LIFR: variants seen among roughly 807,000 people sequenced by gnomAD.
LIFR encodes the protein LIF receptor subunit alpha.
A neutral mutation model predicts 122.2 loss-of-function variants in LIFR; 84 were observed. The ratio of observed to expected loss-of-function variants is 0.69; its 90% CI spans 0.58 to 0.82. The LOEUF (loss-of-function observed/expected upper bound fraction) is 0.82. LIFR is among the 40% of genes least tolerant of loss of function. The pLI is 0.00. For missense variants in LIFR, 1,294 were observed against 1,311.6 expected (o/e 0.99, Z 0.21); for synonymous variants, 422 against 434.7 (o/e 0.97, Z 0.36).
intron 11 of LIFR, among the ~76,000 whole-genome samples, chr5:38,501,760 C>A (rs1382563542): frequency 2.0e-5 from 3 of 151,638 alleles, no homozygotes; most frequent in Admixed American, 6.6e-5. Flanking sequence ...AAAAATTAAA[C>A]CTATTTCTGA....
At chr5:38,550,957 T>C (rs895472995) in intron 1 of LIFR, among the ~76,000 whole-genome samples, 3 of 152,180 alleles carry the variant, frequency 2.0e-5, no homozygotes, top group African/African-American at 7.2e-5. Flanking sequence ...AGTGCTTAAT[T>C]TTCTATTATT....
chr5:38,545,247 G>GT, intron 1 of LIFR, among the ~76,000 whole-genome samples: 1 of 151,518 alleles, frequency 6.6e-6, no homozygotes, highest in East Asian at 2.0e-4. Flanking sequence ...TCCAGCCTGG[G>GT]TGACAGACCA....
At chr5:38,567,469 A>G (rs76458645) in intron 1 of LIFR, among the ~76,000 whole-genome samples, 6,225 of 150,182 alleles carry the variant, frequency 0.041, 449 homozygotes, top group African/African-American at 0.14. Context: ...TTTGGTTTTT[A>G]TTTCATTGAA....
intron 1 of LIFR, among the ~76,000 whole-genome samples, chr5:38,580,197 G>A (rs1749535933): frequency 6.6e-6 from 1 of 152,088 alleles, no homozygotes. Flanking sequence ...ATGCATCCTT[G>A]TACCTCCTCC....
At position 38,603,564 on chromosome 5, in the gene LIFR, T is replaced by C. The variant is rs556128700; in HGVS notation, n.305+2641A>G. Among the ~76,000 whole-genome samples the C allele has an allele frequency of 4.6e-5, 7 of 152,266 alleles. No individual in the cohort carries two copies. In the East Asian group the frequency reaches 7.7e-4, roughly 17 times the overall value. On this transcript the variant is annotated intron_variant and non_coding_transcript_variant, in intron 2 of 3. Coordinates refer to the LIFR transcript ENST00000507786. The stretch of plus-strand genomic sequence containing the variant: ...CTTAAGCAGATCCTTACAACGTATG[T>C]GCAAGAAGCAAAGGTAGAGATGCGC...
At chr5:38,592,801 C>T (rs1321129334) in intron 1 of LIFR, among the ~76,000 whole-genome samples, 1 of 151,856 alleles carries the variant, frequency 6.6e-6, no homozygotes, top group Non-Finnish European at 1.5e-5. Flanking sequence ...AATGGTTGTA[C>T]ATATATTTGC....
intron 1 of LIFR, among the ~76,000 whole-genome samples, chr5:38,580,454 T>C (rs1270163501): frequency 6.6e-6 from 1 of 150,712 alleles, no homozygotes; most frequent in African/African-American, 2.4e-5. Context: ...TCCTCCTAGA[T>C]CTACTCCTTA....
intron 1 of LIFR, among the ~76,000 whole-genome samples, chr5:38,582,175 C>G (rs187547224): frequency 2.0e-5 from 3 of 152,040 alleles, no homozygotes; most frequent in South Asian, 4.1e-4. Flanking sequence ...ATCCCTGCTC[C>G]TCAGCCTCCC....
At chr5:38,485,778 A>G (rs1744250796) in intron 17 of LIFR, 41 bp downstream of exon 17, 1 of 1,608,192 alleles carries the variant, frequency 6.2e-7, no homozygotes, top group African/African-American at 1.3e-5. Flanking sequence ...AACACTACGC[A>G]TGCAGGATGG....
chr5:38,578,153 G>A (rs866370267), intron 1 of LIFR, among the ~76,000 whole-genome samples: 1 of 151,678 alleles, frequency 6.6e-6, no homozygotes, highest in Middle Eastern at 3.5e-3. Flanking sequence ...TCTGAGAATT[G>A]AGCCTGAGAA....
chr5:38,589,698 G>T (rs892207394), intron 1 of LIFR, among the ~76,000 whole-genome samples: 3 of 150,122 alleles, frequency 2.0e-5, no homozygotes, highest in African/African-American at 7.4e-5. Context: ...ATAGCAAAGG[G>T]TCAGAAGGCA....
intron 1 of LIFR, among the ~76,000 whole-genome samples, chr5:38,566,282 C>A (rs1749022523): frequency 6.6e-6 from 1 of 152,030 alleles, no homozygotes; most frequent in African/African-American, 2.4e-5. Context: ...ATATATTGTT[C>A]CTTTGATTTT....
At chr5:38,516,829 T>G (rs1310534719) in intron 5 of LIFR, among the ~76,000 whole-genome samples, 1 of 152,054 alleles carries the variant, frequency 6.6e-6, no homozygotes, top group Non-Finnish European at 1.5e-5. Flanking sequence ...AATGATAGAC[T>G]GGATGAAGAA....
intron 14 of LIFR, among the ~76,000 whole-genome samples, chr5:38,491,064 T>C (rs1369607969): frequency 6.6e-6 from 1 of 152,208 alleles, no homozygotes; most frequent in Non-Finnish European, 1.5e-5. Context: ...AGTTGCACTC[T>C]GCCTTGAAGC....
At position 38,511,957 on chromosome 5, in the gene LIFR, T is replaced by C. The variant is rs1298466429; in HGVS notation, c.569A>G (p.His190Arg). The change falls in exon 6 of 20, where the codon CAC (histidine) becomes CGC (arginine). Residue 190 changes from histidine (H) to arginine (R), a missense_variant. Physicochemically the swap from His to Arg is conservative, Grantham distance 29. Coordinates refer to ENST00000453190, the MANE Select transcript of LIFR (RefSeq NM_001127671.2). ...ATCTTTGCCATTCAGAGTTGTGTTG[T>C]GGGTCACCTAAAAATGAACACAAAC... ...ESMELVKLVT[H>R]NTTLNGKDTL... is the part of the protein sequence containing the mutation. The C allele has an allele frequency of 1.2e-6, 2 of 1,613,980 alleles. No homozygotes were observed.
At chr5:38,585,789 A>G (rs955317951) in intron 1 of LIFR, among the ~76,000 whole-genome samples, 4 of 152,200 alleles carry the variant, frequency 2.6e-5, no homozygotes, top group African/African-American at 7.2e-5. Flanking sequence ...TCTAAATAAC[A>G]TAATAATTTT....
At position 38,499,569 on chromosome 5, in the gene LIFR, GC is replaced by G. The variant is rs34381691; in HGVS notation, c.1614del (p.Pro539LeufsTer14). 1 of 1,607,532 alleles carries G rather than the reference GC, an allele frequency of 6.2e-7. No individual in the cohort carries two copies. The highest frequency in any genetic ancestry group is 8.5e-7 in the Non-Finnish European group (1 of 1,174,128). Reference sequence around the variant, plus strand: ...GAACTCCACTCTCTCCAAGTATCAGGCCCCTTTGAAGGACCTAAAAAGGAGA... The same window carrying G: ...GAACTCCACTCTCTCCAAGTATCAGGCCCTTTGAAGGACCTAAAAAGGAGA... ...HLTTEASPSKGPDTWREWSSD... is the reference protein window; with the variant it reads ...HLTTEASPSKXPDTWREWSSD... On this transcript the variant is annotated frameshift_variant, in exon 12 of 20. Transcript: ENST00000453190. LOFTEE classifies it high-confidence loss of function.
chr5:38,603,108 G>A (rs1750254779), intron 2 of LIFR, among the ~76,000 whole-genome samples: 1 of 152,196 alleles, frequency 6.6e-6, no homozygotes, highest in Non-Finnish European at 1.5e-5. Context: ...CAAGATGGCA[G>A]CCTATAAAGT....
chr5:38,540,248 T>TA (rs377101179), intron 1 of LIFR, among the ~76,000 whole-genome samples: 4 of 152,242 alleles, frequency 2.6e-5, no homozygotes, highest in Admixed American at 6.5e-5. Flanking sequence ...ATAAGAAACT[T>TA]ACGGTTGTTT....
Sources: gnomAD v4.1 joint callset for allele counts (sites outside exome capture counted in the v4.1 genomes callset) on GRCh38, gnomAD v4.1.1 for gene constraint, MANE v1.5 for transcripts, NCBI Gene and HGNC (gene_info 2026-07-23, HGNC 2026-07-21) for gene names.